Variants in ADD3 observed in about 807,000 individuals in gnomAD.
ADD3 encodes the protein adducin 3, also known as gamma-adducin.
In ADD3, 25 loss-of-function variants were observed where a neutral mutation model predicts 80.2. The observed-to-expected ratio is 0.31, with a 90% CI of 0.23 to 0.44. ADD3 has a LOEUF of 0.44. ADD3 is among the 20% of genes least tolerant of loss of function. The pLI, the probability that ADD3 is intolerant of heterozygous loss-of-function variation, is 1.00. For synonymous variants in ADD3, 284 were observed against 289.6 expected (o/e 0.98, Z 0.20); for missense variants, 829 against 847.5 (o/e 0.98, Z 0.27).
intron 1 of ADD3, among the ~76,000 whole-genome samples, chr10:110,066,823 A>G (rs924476435): frequency 2.6e-5 from 4 of 152,176 alleles, no homozygotes; most frequent in Non-Finnish European, 5.9e-5. Context: ...TTTTTTGGAA[A>G]TTCTAAAACG....
intron 1 of ADD3, among the ~76,000 whole-genome samples, chr10:110,074,367 A>G (rs1219024822): frequency 6.6e-6 from 1 of 152,090 alleles, no homozygotes; most frequent in Admixed American, 6.5e-5. Flanking sequence ...TCACTCCCCT[A>G]TTTGGAGTAG....
At position 110,124,009 on chromosome 10, in the gene ADD3, T is replaced by A. The variant is rs1293708463; in HGVS notation, c.1144-8T>A. 1.2e-6 allele frequency: 2 copies of A among 1,609,274 alleles called. No homozygotes were observed. Among genetic ancestry groups the A allele is most frequent in the Admixed American group, 3.3e-5 (2 of 59,792 alleles). On this transcript the variant is annotated splice_region_variant and splice_polypyrimidine_tract_variant and intron_variant, in intron 9 of 14. Coordinates refer to ENST00000356080, the MANE Select transcript of ADD3 (RefSeq NM_016824.5). ...TGATGCTTCAAATGTGGCTTTTCCCTCCCTTAGGGGTATAGAACAGGCTAT... is the reference window on the plus strand; with the variant it reads ...TGATGCTTCAAATGTGGCTTTTCCCACCCTTAGGGGTATAGAACAGGCTAT...
intron 1 of ADD3, among the ~76,000 whole-genome samples, chr10:110,050,335 A>G (rs1231669471): frequency 6.6e-6 from 1 of 151,918 alleles, no homozygotes; most frequent in African/African-American, 2.4e-5. Context: ...TTTCCTCCAT[A>G]CTATTCTTAT....
chr10:110,124,930 G>A (rs1851960096), intron 10 of ADD3, among the ~76,000 whole-genome samples: 1 of 152,096 alleles, frequency 6.6e-6, no homozygotes, highest in South Asian at 2.1e-4. Context: ...AATTTTTTGT[G>A]ATTTTGTTAA....
At chr10:110,010,202 A>G (rs1313289836) in intron 1 of ADD3, among the ~76,000 whole-genome samples, 1 of 152,206 alleles carries the variant, frequency 6.6e-6, no homozygotes, top group Non-Finnish European at 1.5e-5. Flanking sequence ...ACCTAGATAC[A>G]GGGTGGTGCC....
Position 110,134,424 on chromosome 10 carries a change from C to CA in ADD3, c.*807dup, listed in dbSNP as rs1853444495. On this transcript the variant is annotated 3_prime_UTR_variant, in exon 15 of 15. Transcript: ENST00000356080. ...ATTAGCCAATCTTTTCACAGTAGAG[C>CA]ATACTTAAGGCTGCTTGGTACTGAG... The CA allele has an allele frequency of 6.6e-6, 1 of 152,358 alleles. No homozygotes were observed. The highest frequency in any genetic ancestry group is 2.1e-4 in the South Asian group (1 of 4,830). 9.4% of individuals were successfully genotyped at this position (152,358 alleles called of 1,614,324 possible).
At chr10:110,113,617 A>T (rs541099508) in intron 3 of ADD3, among the ~76,000 whole-genome samples, 4 of 152,302 alleles carry the variant, frequency 2.6e-5, no homozygotes, top group African/African-American at 9.6e-5. Context: ...ATGTGGCTGG[A>T]TATAAATCAT....
At chr10:110,073,918 CT>C (rs113294116) in intron 1 of ADD3, among the ~76,000 whole-genome samples, 3,329 of 145,878 alleles carry the variant, frequency 0.023, 115 homozygotes, top group African/African-American at 0.073. Flanking sequence ...TTAGACAGAC[CT>C]TTTTTTTTTT....
At chr10:110,002,323 G>A (rs1851502118), upstream of ADD3, among the ~76,000 whole-genome samples, 1 of 152,052 alleles carries the variant, frequency 6.6e-6, no homozygotes, top group Admixed American at 6.5e-5. Context: ...ACCCAGGCTG[G>A]AGTGCAGTGG....
At chr10:110,040,382 C>G (rs1200821607) in intron 1 of ADD3, among the ~76,000 whole-genome samples, 3 of 152,142 alleles carry the variant, frequency 2.0e-5, no homozygotes, top group Non-Finnish European at 2.9e-5. Context: ...CATGATTGAA[C>G]AGATTGACAC....
rs895529729 is a variant in ADD3, at chr10:110,134,352, G to A, written c.*734G>A. 4.6e-5 allele frequency: 7 copies of A among 150,632 alleles called. No individual in the cohort carries two copies. The highest frequency in any genetic ancestry group is 8.9e-5 in the Non-Finnish European group (6 of 67,688). 9.3% of individuals were successfully genotyped at this position (150,632 alleles called of 1,614,324 possible). ...TGGCAAAAAAAAAAAAAAAAATTTTGTATGTTGATGTTTGTATACCGTTCA... is the reference window on the plus strand; with the variant it reads ...TGGCAAAAAAAAAAAAAAAAATTTTATATGTTGATGTTTGTATACCGTTCA... On this transcript the variant is annotated 3_prime_UTR_variant, in exon 15 of 15. Coordinates refer to ENST00000356080, the MANE Select transcript of ADD3 (RefSeq NM_016824.5).
At chr10:110,082,190 C>G (rs1418816079) in intron 1 of ADD3, among the ~76,000 whole-genome samples, 2 of 151,758 alleles carry the variant, frequency 1.3e-5, no homozygotes, top group East Asian at 3.9e-4. Flanking sequence ...TTTAGAACAA[C>G]AAGTGTCATG....
chr10:110,076,599 C>G (rs1465408488), intron 1 of ADD3, among the ~76,000 whole-genome samples: 1 of 152,164 alleles, frequency 6.6e-6, no homozygotes, highest in Non-Finnish European at 1.5e-5. Context: ...TGTTCATGGT[C>G]AGGACCTCCA....
chr10:110,061,141 G>A (rs1478749648), intron 1 of ADD3, among the ~76,000 whole-genome samples: 3 of 152,180 alleles, frequency 2.0e-5, no homozygotes, highest in South Asian at 2.1e-4. Flanking sequence ...TGAGAAAGAG[G>A]TAAGCCAGCT....
At chr10:110,097,999 T>A (rs928837259) in intron 1 of ADD3, among the ~76,000 whole-genome samples, 1 of 152,118 alleles carries the variant, frequency 6.6e-6, no homozygotes, top group African/African-American at 2.4e-5. Flanking sequence ...ATGGTCTCGA[T>A]CTCCTGACCT....
chr10:110,004,587 G>A (rs1366074097), upstream of ADD3, among the ~76,000 whole-genome samples: 4 of 151,842 alleles, frequency 2.6e-5, no homozygotes, highest in African/African-American at 9.7e-5. Context: ...GGGATTACAG[G>A]CATGAGCCAC....
intron 3 of ADD3, among the ~76,000 whole-genome samples, chr10:110,115,807 A>G (rs1004750845): frequency 1.3e-5 from 2 of 152,260 alleles, no homozygotes; most frequent in Non-Finnish European, 2.9e-5. Flanking sequence ...TCAATAGGAC[A>G]GAAATCATAC....
intron 1 of ADD3, among the ~76,000 whole-genome samples, chr10:110,013,873 C>A (rs930617780): frequency 1.3e-5 from 2 of 152,146 alleles, no homozygotes; most frequent in Admixed American, 6.5e-5. Flanking sequence ...AATGTAAAAG[C>A]AATCAGGTTG....
chr10:110,073,599 A>G (rs955774573), intron 1 of ADD3, among the ~76,000 whole-genome samples: 1 of 152,216 alleles, frequency 6.6e-6, no homozygotes, highest in Non-Finnish European at 1.5e-5. Context: ...CTGAGGACAC[A>G]CAAGTTTGCA....
Sources: gnomAD v4.1 joint callset for allele counts (sites outside exome capture counted in the v4.1 genomes callset) on GRCh38, gnomAD v4.1.1 for gene constraint, MANE v1.5 for transcripts, NCBI Gene and HGNC (gene_info 2026-07-23, HGNC 2026-07-21) for gene names.